Variants in CPED1 observed in about 807,000 individuals in gnomAD.
CPED1 encodes cadherin-like and PC-esterase domain-containing protein 1.
CPED1 carries 114 observed loss-of-function variants against 128.2 expected under a neutral mutation model. The ratio of observed to expected loss-of-function variants is 0.89; its 90% CI spans 0.76 to 1.04. The LOEUF is 1.04. Ranked by LOEUF, CPED1 falls within the 50% of genes least tolerant of loss-of-function variation. The probability of loss-of-function intolerance (pLI) is 0.00; values close to 1 mark genes in which losing one functional copy is unlikely to be tolerated. For missense variants in CPED1, 1,211 were observed against 1,207.1 expected (o/e 1.00, Z -0.05); for synonymous variants, 462 against 426.7 (o/e 1.08, Z -1.02).
rs1794732090 is a variant in CPED1, at chr7:121,097,713, G to T, written c.631G>T (p.Val211Leu). 1 of 1,613,532 alleles carries T rather than the reference G, an allele frequency of 6.2e-7. No homozygotes were observed. The highest frequency in any genetic ancestry group is 1.3e-5 in the African/African-American group (1 of 74,900). The change falls in exon 6 of 23, where the codon GTG becomes TTG. Residue 211 changes from valine to leucine, a missense_variant. By Grantham distance (32) the Val-to-Leu change is conservative (BLOSUM62 1). Coordinates refer to ENST00000310396, the MANE Select transcript of CPED1 (RefSeq NM_024913.5). Reference sequence around the variant, plus strand: ...AATCTTTTCAGAACTGCAACTTCCAGTGAGTCCCTCTGTGTGTCTGGATCA... The same window carrying T: ...AATCTTTTCAGAACTGCAACTTCCATTGAGTCCCTCTGTGTGTCTGGATCA... ...VRRFPELQLP[V>L]SPSVCLDQGM...
intron 16 of CPED1, among the ~76,000 whole-genome samples, chr7:121,194,406 A>T (rs1478213687): frequency 6.6e-6 from 1 of 152,070 alleles, no homozygotes; most frequent in East Asian, 1.9e-4. Context: ...TACCTGGATA[A>T]TGCTGATTAA....
chr7:121,277,609 C>G (rs531451325), intron 22 of CPED1, among the ~76,000 whole-genome samples: 71 of 152,238 alleles, frequency 4.7e-4, no homozygotes, highest in African/African-American at 1.6e-3. Context: ...TGTGCGATCT[C>G]TCAAGGGCTG....
intron 5 of CPED1, among the ~76,000 whole-genome samples, chr7:121,095,603 A>C (rs1247518459): frequency 6.6e-6 from 1 of 152,102 alleles, no homozygotes; most frequent in Non-Finnish European, 1.5e-5. Flanking sequence ...TATTTTGCTC[A>C]GTATTCATTT....
At chr7:121,281,491 G>T (rs1010313874) in intron 22 of CPED1, among the ~76,000 whole-genome samples, 3 of 152,062 alleles carry the variant, frequency 2.0e-5, no homozygotes, top group African/African-American at 7.2e-5. Flanking sequence ...CTGTACCCAC[G>T]TTTTTAATGG....
rs1014243141 is a variant in CPED1, at chr7:121,297,062, T to C, written c.*1410T>C. On this transcript the variant is annotated 3_prime_UTR_variant, in exon 23 of 23. Coordinates refer to ENST00000310396, the MANE Select transcript of CPED1 (RefSeq NM_024913.5). The stretch of plus-strand genomic sequence containing the variant: ...TATATTTAACTGTCTTAAATTATAT[T>C]TACATAAATGCAAATATCACTTGAT... 6.6e-6 allele frequency: 1 copy of C among 152,066 alleles called. No homozygotes were observed. Among genetic ancestry groups the C allele is most frequent in the African/African-American group, 2.4e-5 (1 of 41,446 alleles). 9.4% of individuals were successfully genotyped at this position (152,066 alleles called of 1,614,324 possible).
chr7:121,079,460 A>G (rs1794223187), intron 5 of CPED1, among the ~76,000 whole-genome samples: 2 of 152,270 alleles, frequency 1.3e-5, no homozygotes, highest in Admixed American at 6.5e-5. Context: ...GAACTCTGAT[A>G]CTGCCCACTG....
chr7:121,272,545 ACGTTGCTC>A (rs1792254816), intron 22 of CPED1, among the ~76,000 whole-genome samples: 1 of 152,192 alleles, frequency 6.6e-6, no homozygotes, highest in African/African-American at 2.4e-5. Flanking sequence ...GTTGAGGATC[ACGTTGCTC>A]CTCCAGGCAT....
chr7:121,240,741 T>C (rs369407426), intron 17 of CPED1, among the ~76,000 whole-genome samples: 15 of 133,404 alleles, frequency 1.1e-4, no homozygotes, highest in Admixed American at 3.6e-4. Flanking sequence ...TTTAACTCTT[T>C]GGGCCTCAGA....
intron 16 of CPED1, among the ~76,000 whole-genome samples, chr7:121,147,476 T>C (rs1347575498): frequency 1.3e-5 from 2 of 152,160 alleles, no homozygotes; most frequent in African/African-American, 2.4e-5. Flanking sequence ...ACTGTTATTG[T>C]GGCTAGAATA....
At chr7:121,031,965 C>G (rs1392636874) in intron 3 of CPED1, among the ~76,000 whole-genome samples, 1 of 152,030 alleles carries the variant, frequency 6.6e-6, no homozygotes, top group Non-Finnish European at 1.5e-5. Flanking sequence ...ATGAGATTGG[C>G]AAAACCTAAA....
At chr7:121,286,235 G>C (rs1463949018) in intron 22 of CPED1, among the ~76,000 whole-genome samples, 1 of 152,132 alleles carries the variant, frequency 6.6e-6, no homozygotes, top group Non-Finnish European at 1.5e-5. Flanking sequence ...CCTCCCACCA[G>C]GTCCCTCTAA....
intron 13 of CPED1, among the ~76,000 whole-genome samples, chr7:121,135,750 A>G (rs950318941): frequency 1.3e-5 from 2 of 152,104 alleles, no homozygotes; most frequent in African/African-American, 4.8e-5. Context: ...TTATAGTCAT[A>G]GGATATAAAA....
intron 5 of CPED1, among the ~76,000 whole-genome samples, chr7:121,066,672 C>A (rs73221257): frequency 6.6e-6 from 1 of 152,084 alleles, no homozygotes; most frequent in Non-Finnish European, 1.5e-5. Context: ...TGGTAGAAGA[C>A]ATGAGATGCC....
At chr7:121,049,402 G>C (rs1020457444) in intron 4 of CPED1, among the ~76,000 whole-genome samples, 2 of 152,190 alleles carry the variant, frequency 1.3e-5, no homozygotes, top group African/African-American at 2.4e-5. Context: ...CCTGCAGAGA[G>C]GGAGCCTTGG....
rs202030165 is a variant in CPED1, at chr7:121,289,713, TTGA to T, written c.2869-5725_2869-5723del. ...AAGCTAGAATTACTTTCATTAGTCA[TTGA>T]TAATAGTTTATATGTCCAAATAGTG... On this transcript the variant is annotated intron_variant, in intron 22 of 22. Coordinates refer to ENST00000310396, the MANE Select transcript of CPED1 (RefSeq NM_024913.5). Among the ~76,000 whole-genome samples the T allele has an allele frequency of 1.0e-2, 1,519 of 152,340 alleles. 22 individuals carry two copies. Among genetic ancestry groups the T allele is most frequent in the African/African-American group, 0.033 (1,384 of 41,584 alleles).
chr7:121,156,950 A>G (rs1796299666), intron 16 of CPED1, among the ~76,000 whole-genome samples: 1 of 152,244 alleles, frequency 6.6e-6, no homozygotes, highest in African/African-American at 2.4e-5. Context: ...GAGAAAAGTC[A>G]TGATATAACA....
chr7:121,061,136 G>T (rs1793659380), intron 4 of CPED1: 1 of 311,996 alleles, frequency 3.2e-6, no homozygotes, highest in African/African-American at 2.3e-5. Flanking sequence ...TCACTGTGAG[G>T]GTCCGCGGCT....
chr7:121,128,460 C>G lies in CPED1; in HGVS notation c.1381C>G (p.Leu461Val), dbSNP rs779989936. ...CTCAATTATGACTTTCATAAAGGAACTTGGAAGTCTGGGACAATTCCAACT... is the reference window on the plus strand; with the variant it reads ...CTCAATTATGACTTTCATAAAGGAAGTTGGAAGTCTGGGACAATTCCAACT... Reference protein sequence around the residue: ...INSIMTFIKELGSLGQFQLLF... With the variant: ...INSIMTFIKEVGSLGQFQLLF... The change falls in exon 11 of 23, where the codon CTT (leucine) becomes GTT (valine). Residue 461 changes from leucine (L) to valine (V), a missense_variant. By Grantham distance (32) the Leu-to-Val change is conservative. Coordinates refer to ENST00000310396, the MANE Select transcript of CPED1 (RefSeq NM_024913.5). 1.3e-6 allele frequency: 2 copies of G among 1,592,018 alleles called. No homozygotes were observed. The highest frequency in any genetic ancestry group is 1.7e-5 in the Admixed American group (1 of 59,946).
chr7:121,257,680 T>C (rs1791917137), intron 18 of CPED1, among the ~76,000 whole-genome samples: 2 of 152,016 alleles, frequency 1.3e-5, no homozygotes, highest in African/African-American at 4.8e-5. Flanking sequence ...GCAAAGGGTT[T>C]TCCCGGTACA....
Sources: gnomAD v4.1 joint callset for allele counts (sites outside exome capture counted in the v4.1 genomes callset) on GRCh38, gnomAD v4.1.1 for gene constraint, MANE v1.5 for transcripts, NCBI Gene and HGNC (gene_info 2026-07-23, HGNC 2026-07-21) for gene names.